Variants in TSPAN18 observed in about 807,000 individuals in gnomAD.
TSPAN18 encodes the protein tetraspanin 18, also known as tetraspanin-18.
Under a neutral mutation model 27.3 loss-of-function variants are expected in TSPAN18, and 14 were observed. The observed-to-expected ratio is 0.51, with a 90% CI of 0.34 to 0.80. TSPAN18 has a LOEUF of 0.80. TSPAN18 is among the 30% of genes least tolerant of loss of function. The pLI is 0.01. For missense variants in TSPAN18, 268 were observed against 323.9 expected (o/e 0.83, Z 1.32); for synonymous variants, 143 against 136.5 (o/e 1.05, Z -0.33).
upstream of TSPAN18, chr11:44,726,850 A>G (rs1854514212): frequency 9.8e-6 from 1 of 102,540 alleles, no homozygotes; most frequent in African/African-American, 3.9e-5. Flanking sequence ...GCTTCTCGGC[A>G]GCAACGGCGT....
At chr11:44,861,669 C>T (rs1329664361) in intron 3 of TSPAN18, among the ~76,000 whole-genome samples, 2 of 151,586 alleles carry the variant, frequency 1.3e-5, no homozygotes, top group East Asian at 1.9e-4. Flanking sequence ...GAGTCGGGGG[C>T]GATGAAGCAC....
chr11:44,783,734 G>A (rs777070751), intron 2 of TSPAN18, among the ~76,000 whole-genome samples: 3 of 152,146 alleles, frequency 2.0e-5, no homozygotes, highest in Non-Finnish European at 4.4e-5. Context: ...TATGCCAGGC[G>A]CTTGCCTGAC....
At chr11:44,742,440 A>C (rs759055111) in intron 1 of TSPAN18, among the ~76,000 whole-genome samples, 10 of 147,558 alleles carry the variant, frequency 6.8e-5, no homozygotes, top group African/African-American at 1.0e-4. Context: ...CATTGTGTGC[A>C]CTAGACTTTT....
intron 7 of TSPAN18, 114 bp from the exon 8 acceptor site, chr11:44,919,703 G>A (rs1010291232): frequency 5.1e-5 from 55 of 1,079,986 alleles, no homozygotes; most frequent in East Asian, 2.6e-4. Context: ...GGTGGAGCCC[G>A]CCCACACCCA....
At position 44,802,352 on chromosome 11, in the gene TSPAN18, A is replaced by G. The variant is rs371035769; in HGVS notation, c.-153+37840A>G. On this transcript the variant is annotated intron_variant, in intron 2 of 9. Coordinates refer to ENST00000520358, the MANE Select transcript of TSPAN18 (RefSeq NM_130783.5). ...GGGGAGAGCTGTGGGAGATGGAGTGAGGGGGTAGTGGTGGGGGCTGCAGGG... is the reference window on the plus strand; with the variant it reads ...GGGGAGAGCTGTGGGAGATGGAGTGGGGGGGTAGTGGTGGGGGCTGCAGGG... 1.5e-3 allele frequency among the ~76,000 whole-genome samples: 159 copies of G among 108,528 alleles called. 1 individual carries two copies. In the East Asian group the frequency reaches 0.027, roughly 18 times the overall value. The allele number at this position is 108,528 out of a possible 152,430, so 71.2% of individuals were successfully genotyped here. A position where few individuals can be genotyped will look rare whatever the true frequency, so the allele number is the denominator to read the frequency against.
At chr11:44,922,113 A>G (rs1407433467) in intron 8 of TSPAN18, among the ~76,000 whole-genome samples, 2 of 116,570 alleles carry the variant, frequency 1.7e-5, no homozygotes, top group Non-Finnish European at 3.3e-5. Context: ...AAAGCCCAGG[A>G]TGCATTTTTT....
intron 2 of TSPAN18, among the ~76,000 whole-genome samples, chr11:44,844,272 C>T (rs1368814961): frequency 6.7e-6 from 1 of 149,080 alleles, no homozygotes; most frequent in African/African-American, 2.4e-5. Context: ...GACATTGGAT[C>T]GTTTCCTTTT....
intron 2 of TSPAN18, among the ~76,000 whole-genome samples, chr11:44,831,261 C>G (rs539599651): frequency 6.6e-6 from 1 of 152,154 alleles, no homozygotes; most frequent in Admixed American, 6.5e-5. Context: ...CTGAGGACCC[C>G]CATCTGTTCC....
At chr11:44,790,369 G>A (rs1029376711) in intron 2 of TSPAN18, among the ~76,000 whole-genome samples, 2 of 150,794 alleles carry the variant, frequency 1.3e-5, no homozygotes, top group African/African-American at 4.9e-5. Context: ...GTGCGTGCAT[G>A]TTTGTGTGCG....
At chr11:44,748,856 G>A (rs930693341) in intron 1 of TSPAN18, among the ~76,000 whole-genome samples, 7 of 152,204 alleles carry the variant, frequency 4.6e-5, no homozygotes, top group African/African-American at 1.7e-4. Flanking sequence ...TCCTTTTGGT[G>A]TGTATCCCTC....
chr11:44,774,762 A>C (rs934704097), intron 2 of TSPAN18, among the ~76,000 whole-genome samples: 5 of 152,142 alleles, frequency 3.3e-5, no homozygotes, highest in African/African-American at 1.2e-4. Flanking sequence ...TGATAGAACA[A>C]CCAGGTTGAT....
chr11:44,903,728 C>T (rs1590661147), intron 3 of TSPAN18: 2 of 455,620 alleles, frequency 4.4e-6, no homozygotes, highest in East Asian at 7.0e-5. Context: ...GAATTCAGGC[C>T]ATGCTCACTG....
At chr11:44,813,779 G>C (rs1323176152) in intron 2 of TSPAN18, among the ~76,000 whole-genome samples, 1 of 152,216 alleles carries the variant, frequency 6.6e-6, no homozygotes, top group African/African-American at 2.4e-5. Context: ...GCCCAGGAAG[G>C]AGTGCATAGA....
intron 3 of TSPAN18, among the ~76,000 whole-genome samples, chr11:44,878,396 C>T (rs1438349100): frequency 4.6e-5 from 7 of 152,148 alleles, no homozygotes; most frequent in Non-Finnish European, 1.0e-4. Context: ...AGGAAGGCTC[C>T]CTGCTCTCTG....
chr11:44,909,668 CT>C (rs1350969732), intron 4 of TSPAN18, 36 bp from the exon 5 acceptor site: 2 of 1,587,192 alleles, frequency 1.3e-6, no homozygotes, highest in East Asian at 4.5e-5. Flanking sequence ...CCCTTTCTGC[CT>C]GTTTCTCCTC....
At chr11:44,887,960 T>C (rs547684403) in intron 3 of TSPAN18, among the ~76,000 whole-genome samples, 1 of 152,174 alleles carries the variant, frequency 6.6e-6, no homozygotes, top group Non-Finnish European at 1.5e-5. Flanking sequence ...GGATGGATTA[T>C]TGTCTTTCAA....
chr11:44,931,468 T>A lies in TSPAN18; in HGVS notation c.*2290T>A, dbSNP rs185328381. ...AGGACCCAAGAGAAAGGGCTGGTCA[T>A]GAAGGGAAATCTGGCTAAGGTGGGT... On this transcript the variant is annotated 3_prime_UTR_variant, in exon 10 of 10. Coordinates refer to ENST00000520358, the MANE Select transcript of TSPAN18 (RefSeq NM_130783.5). 1 of 154,222 alleles carries A rather than the reference T, an allele frequency of 6.5e-6. No individual in the cohort carries two copies. The highest frequency in any genetic ancestry group is 1.4e-5 in the Non-Finnish European group (1 of 69,490). The allele number at this position is 154,222 out of a possible 1,614,324, so 9.6% of individuals were successfully genotyped here. A position where few individuals can be genotyped will look rare whatever the true frequency, so the allele number is the denominator to read the frequency against.
chr11:44,912,712 CGTGT>C lies in TSPAN18; in HGVS notation c.258+2818_258+2821del, dbSNP rs201013800. Among the ~76,000 whole-genome samples the C allele has an allele frequency of 5.2e-3, 796 of 152,012 alleles. 3 individuals are homozygous for C. The highest frequency in any genetic ancestry group is 0.018 in the African/African-American group (739 of 41,456). On this transcript the variant is annotated intron_variant, in intron 5 of 9. Transcript: ENST00000520358. The stretch of plus-strand genomic sequence containing the variant: ...TATGTGCATGTATGTTGTGTTCTAT[CGTGT>C]GTGTTTGTGTGTACATGTGTGCATT...
intron 8 of TSPAN18, among the ~76,000 whole-genome samples, chr11:44,924,241 G>T (rs1860262699): frequency 6.6e-6 from 1 of 150,730 alleles, no homozygotes; most frequent in Admixed American, 6.6e-5. Flanking sequence ...ATCCTAACAG[G>T]CATTGAGATT....
Sources: allele counts gnomAD v4.1 joint callset (sites outside exome capture counted in the v4.1 genomes callset), GRCh38; gene constraint gnomAD v4.1.1; transcripts MANE v1.5; gene names NCBI Gene and HGNC (gene_info 2026-07-23, HGNC 2026-07-21).